The following GPATCH2 variants were observed in gnomAD, a reference collection of about 807,000 sequenced individuals.
GPATCH2 encodes G-patch domain containing 2, also known as G patch domain-containing protein 2.
Under a neutral mutation model 58.0 loss-of-function variants are expected in GPATCH2, and 51 were observed. That is an observed-to-expected ratio of 0.88 (90% CI 0.70 to 1.11). The LOEUF is 1.11. Among genes scored for constraint, GPATCH2 ranks in the 50% most tolerant of loss-of-function variants. GPATCH2 has a pLI of 0.00. For missense variants in GPATCH2, 625 were observed against 652.2 expected (o/e 0.96, Z 0.45); for synonymous variants, 222 against 218.5 (o/e 1.02, Z -0.14).
At chr1:217,527,989 C>G (rs1664005498) in intron 5 of GPATCH2, among the ~76,000 whole-genome samples, 1 of 152,092 alleles carries the variant, frequency 6.6e-6, no homozygotes, top group East Asian at 1.9e-4. Flanking sequence ...CCCAAATTAG[C>G]AAATGTGGGT....
At chr1:217,454,406 G>A (rs1571728082) in intron 8 of GPATCH2, among the ~76,000 whole-genome samples, 1 of 151,742 alleles carries the variant, frequency 6.6e-6, no homozygotes, top group Non-Finnish European at 1.5e-5. Flanking sequence ...TGGCTAACAC[G>A]GTGAAACCCC....
chr1:217,522,991 T>C (rs1663547447), intron 5 of GPATCH2, among the ~76,000 whole-genome samples: 1 of 151,830 alleles, frequency 6.6e-6, no homozygotes, highest in South Asian at 2.1e-4. Context: ...TTTATGAAAA[T>C]ACTATCTTGG....
chr1:217,620,078 T>G lies in GPATCH2; in HGVS notation c.478A>C (p.Arg160=), dbSNP rs1295958650. The G allele has an allele frequency of 1.9e-6, 3 of 1,613,968 alleles. No homozygotes were observed. The highest frequency in any genetic ancestry group is 2.5e-6 in the Non-Finnish European group (3 of 1,180,032). The part of the protein sequence containing the change: ...VDNVGNRTLR[R]RRKVKRMAVD... Reference sequence around the variant, plus strand: ...GCCATGCGTTTTACCTTTCTCCTCCTGCGCAGAGTTCTATTCCCAACATTG... The same window carrying G: ...GCCATGCGTTTTACCTTTCTCCTCCGGCGCAGAGTTCTATTCCCAACATTG... The change falls in exon 2 of 10, where the codon AGG becomes CGG. Residue 160 remains arginine (R), a synonymous_variant. Coordinates refer to ENST00000366935, the MANE Select transcript of GPATCH2 (RefSeq NM_018040.5).
rs1195033081 is a variant in GPATCH2 at position 217,427,097 on chromosome 1, C to T, written c.*4048G>A. The T allele has an allele frequency of 1.3e-5, 2 of 152,102 alleles. No homozygotes were observed. The highest frequency in any genetic ancestry group is 2.9e-5 in the Non-Finnish European group (2 of 68,004). The allele number at this position is 152,102 out of a possible 1,614,324, so 9.4% of individuals were successfully genotyped here. The stretch of plus-strand genomic sequence containing the variant: ...TTACAAAACACTTAAAATGTCCAAG[C>T]AGCTTTATGAGAGGCACAACTTTCC... On this transcript the variant is annotated 3_prime_UTR_variant, in exon 10 of 10. Coordinates refer to ENST00000366935, the MANE Select transcript of GPATCH2 (RefSeq NM_018040.5).
chr1:217,604,885 C>T (rs1320982026), intron 5 of GPATCH2, among the ~76,000 whole-genome samples: 3 of 152,148 alleles, frequency 2.0e-5, no homozygotes, highest in East Asian at 3.9e-4. Flanking sequence ...AATTAGCTGG[C>T]GTGGTGGCAG....
intron 9 of GPATCH2, among the ~76,000 whole-genome samples, chr1:217,432,389 G>A (rs1422065042): frequency 6.6e-6 from 1 of 151,922 alleles, no homozygotes; most frequent in African/African-American, 2.4e-5. Flanking sequence ...TTTTGTTCTA[G>A]GGAAAAACTC....
chr1:217,532,792 G>T (rs1288049150), intron 5 of GPATCH2, among the ~76,000 whole-genome samples: 2 of 152,196 alleles, frequency 1.3e-5, no homozygotes, highest in East Asian at 3.9e-4. Context: ...AAGTCTGTGT[G>T]GGGAAGGGAA....
intron 5 of GPATCH2, among the ~76,000 whole-genome samples, chr1:217,538,664 T>C (rs977451704): frequency 2.0e-5 from 3 of 152,132 alleles, no homozygotes; most frequent in Admixed American, 6.6e-5. Flanking sequence ...GTGGCTTGGG[T>C]TGGAAGGTTA....
chr1:217,606,462 A>AT (rs1459464582), intron 5 of GPATCH2, among the ~76,000 whole-genome samples: 4 of 152,212 alleles, frequency 2.6e-5, no homozygotes, highest in Non-Finnish European at 5.9e-5. Flanking sequence ...CAAATTTTAT[A>AT]TAAAATATGA....
intron 6 of GPATCH2, among the ~76,000 whole-genome samples, chr1:217,499,573 T>C (rs913382182): frequency 6.6e-6 from 1 of 152,158 alleles, no homozygotes; most frequent in Non-Finnish European, 1.5e-5. Context: ...TAGATAGTGA[T>C]AGTGATGCTT....
chr1:217,536,010 T>C (rs1454798756), intron 5 of GPATCH2, among the ~76,000 whole-genome samples: 1 of 152,228 alleles, frequency 6.6e-6, no homozygotes, highest in Non-Finnish European at 1.5e-5. Flanking sequence ...ATAAATTCAT[T>C]AGAATCTCTC....
intron 5 of GPATCH2, among the ~76,000 whole-genome samples, chr1:217,607,533 G>A (rs1270648927): frequency 1.3e-5 from 2 of 152,068 alleles, no homozygotes; most frequent in African/African-American, 4.8e-5. Flanking sequence ...AGTGCTATTG[G>A]CCATGAGTTC....
At chr1:217,554,596 T>C (rs1318497871) in intron 5 of GPATCH2, among the ~76,000 whole-genome samples, 1 of 152,238 alleles carries the variant, frequency 6.6e-6, no homozygotes, top group East Asian at 1.9e-4. Context: ...TATATACCCA[T>C]TGATAAGGCA....
chr1:217,547,754 AAACT>A (rs1202717782), intron 5 of GPATCH2, among the ~76,000 whole-genome samples: 4 of 152,184 alleles, frequency 2.6e-5, no homozygotes, highest in Non-Finnish European at 5.9e-5. Context: ...TGTCCTTAGC[AAACT>A]AACTGATACG....
At chr1:217,432,119 C>A (rs144434933) in intron 9 of GPATCH2, among the ~76,000 whole-genome samples, 1 of 151,862 alleles carries the variant, frequency 6.6e-6, no homozygotes, top group Non-Finnish European at 1.5e-5. Context: ...CCTTCATAGG[C>A]CTCCAGAGAT....
intron 8 of GPATCH2, among the ~76,000 whole-genome samples, chr1:217,455,054 G>T (rs1659879804): frequency 6.6e-6 from 1 of 152,108 alleles, no homozygotes; most frequent in Non-Finnish European, 1.5e-5. Context: ...CTTGGCTCTG[G>T]TCTTCTCTCT....
At chr1:217,506,763 C>T (rs1367121692) in intron 6 of GPATCH2, among the ~76,000 whole-genome samples, 1 of 152,196 alleles carries the variant, frequency 6.6e-6, no homozygotes, top group Admixed American at 6.5e-5. Flanking sequence ...CTTTTCCTTC[C>T]TATATTGTGC....
Position 217,614,753 on chromosome 1 carries a change from G to A in GPATCH2, c.774-551C>T, listed in dbSNP as rs567227504. Among the ~76,000 whole-genome samples, 36 of 145,942 alleles carry A rather than the reference G, an allele frequency of 2.5e-4. 1 individual carries two copies. Among genetic ancestry groups the A allele is most frequent in the African/African-American group, 9.1e-4 (36 of 39,672 alleles). On this transcript the variant is annotated intron_variant, in intron 2 of 9. Transcript: ENST00000366935. ...TAAAACGGTGATAATCCATTATATC[G>A]AAGTTAAGGTCACTTTTAAGCAAAA... is the stretch of plus-strand genomic sequence containing the variant.
At chr1:217,573,920 T>C (rs1666684914) in intron 5 of GPATCH2, among the ~76,000 whole-genome samples, 1 of 152,208 alleles carries the variant, frequency 6.6e-6, no homozygotes, top group South Asian at 2.1e-4. Context: ...GAACAAGCTG[T>C]AGGAAAAGCT....
Sources: allele counts gnomAD v4.1 joint callset (sites outside exome capture counted in the v4.1 genomes callset), GRCh38; gene constraint gnomAD v4.1.1; transcripts MANE v1.5; gene names NCBI Gene and HGNC (gene_info 2026-07-23, HGNC 2026-07-21).